The following TRANK1 variants were observed in gnomAD, a reference collection of about 807,000 sequenced individuals.
TRANK1 encodes the protein TPR and ankyrin repeat-containing protein 1.
In TRANK1, 198 loss-of-function variants were observed where a neutral mutation model predicts 266.0. The observed-to-expected ratio is 0.74, with a 90% CI of 0.66 to 0.84. The LOEUF (loss-of-function observed/expected upper bound fraction) is 0.84, where lower values mean the gene tolerates loss of function less well. Ranked by LOEUF, TRANK1 falls within the 40% of genes least tolerant of loss-of-function variation. The pLI, the probability that TRANK1 is intolerant of heterozygous loss-of-function variation, is 0.00. For synonymous variants in TRANK1, 1,396 were observed against 1,384.1 expected, an observed-to-expected ratio of 1.01 and a Z score of -0.19; for missense variants, 3,326 against 3,634.6, an observed-to-expected ratio of 0.92 and a Z score of 2.18.
At chr3:36,892,406 T>C (rs1248570479) in intron 6 of TRANK1, 66 bp from the exon 7 acceptor site, 1 of 1,514,198 alleles carries the variant, frequency 6.6e-7, no homozygotes, top group Non-Finnish European at 8.8e-7. Flanking sequence ...TTCAAACTCC[T>C]TTACCCATAA....
chr3:36,888,410 G>A (rs2079638219), intron 8 of TRANK1, among the ~76,000 whole-genome samples: 1 of 152,202 alleles, frequency 6.6e-6, no homozygotes, highest in Non-Finnish European at 1.5e-5. Context: ...GTATTGTGAT[G>A]TTACTTGCTC....
intron 1 of TRANK1, among the ~76,000 whole-genome samples, chr3:36,915,165 A>G (rs1458863549): frequency 6.6e-6 from 1 of 151,286 alleles, no homozygotes; most frequent in Non-Finnish European, 1.5e-5. Context: ...GTTAGCCAGG[A>G]TGGTCTAAAT....
rs529862503 is a variant in TRANK1, at chr3:36,835,748, C to T, written c.5518-841G>A. 1.1e-4 allele frequency among the ~76,000 whole-genome samples: 17 copies of T among 152,304 alleles called. No individual in the cohort carries two copies. In the South Asian group the frequency reaches 2.1e-3, roughly 19 times the overall value. ...GTTTCTTTGCTATCCAATCTCACCA[C>T]TAGTCACATCTGAATGTTGGGCCTT... On this transcript the variant is annotated intron_variant, in intron 20 of 23. Coordinates refer to ENST00000645898, the MANE Select transcript of TRANK1 (RefSeq NM_001329998.2).
chr3:36,831,836 G>T lies in TRANK1; in HGVS notation c.7747C>A (p.Pro2583Thr), dbSNP rs747401765. The change falls in exon 22 of 24, where the codon CCT becomes ACT. Residue 2583 changes from proline (P) to threonine (T), a missense_variant. Transcript: ENST00000645898. This position sits in a 1 kb window ranked among gnomAD's most constrained non-coding sequence, Gnocchi z 5.0. ...TCCCGGAAGTGGCGATACAGGAGAG[G>T]CTTGCAGTATGGCTGCAGGATCTCC... ...AEEILQPYCK[P>T]LLYRHFREIE... 6.2e-7 allele frequency: 1 copy of T among 1,613,870 alleles called. No individual in the cohort carries two copies. The highest frequency in any genetic ancestry group is 1.3e-5 in the African/African-American group (1 of 74,914).
At chr3:36,922,925 G>A (rs570182971) in intron 1 of TRANK1, among the ~76,000 whole-genome samples, 86 of 152,162 alleles carry the variant, frequency 5.7e-4, no homozygotes, top group African/African-American at 1.8e-3. Context: ...TGGCAGGGCC[G>A]AGGGAAAGCA....
intron 5 of TRANK1, among the ~76,000 whole-genome samples, chr3:36,895,239 C>A (rs2079771674): frequency 6.6e-6 from 1 of 152,172 alleles, no homozygotes; most frequent in African/African-American, 2.4e-5. Flanking sequence ...TTAGCCACTA[C>A]CCAAATGTTA....
chr3:36,895,774 A>G lies in TRANK1; in HGVS notation c.434-16T>C. ...ATGGAGTCACCTAAAAGAAAGTTTC[A>G]TAATTTAGGGATTTTAATGTGGGGA... On this transcript the variant is annotated splice_polypyrimidine_tract_variant and intron_variant, in intron 4 of 23. Coordinates refer to ENST00000645898, the MANE Select transcript of TRANK1 (RefSeq NM_001329998.2). The G allele has an allele frequency of 1.3e-6, 2 of 1,501,036 alleles. No individual in the cohort carries two copies. The highest frequency in any genetic ancestry group is 2.5e-5 in the East Asian group (1 of 40,488). The allele number at this position is 1,501,036 out of a possible 1,614,324, so 93.0% of individuals were successfully genotyped here. A position where few individuals can be genotyped will look rare whatever the true frequency, so the allele number is the denominator to read the frequency against.
rs1220631332 is a variant in TRANK1 at position 36,879,769 on chromosome 3, T to TAC, written c.908-5474_908-5473insGT. On this transcript the variant is annotated intron_variant, in intron 8 of 23. Coordinates refer to ENST00000645898, the MANE Select transcript of TRANK1 (RefSeq NM_001329998.2). ...ATATATAAATATATATAAATATATA[T>TAC]AAATATATATAAATATGTAAATATA... 1.2e-4 allele frequency among the ~76,000 whole-genome samples: 12 copies of TAC among 96,956 alleles called. 1 individual carries two copies. The highest frequency in any genetic ancestry group is 5.6e-4 in the African/African-American group (12 of 21,402). 63.6% of individuals were successfully genotyped at this position (96,956 alleles called of 152,430 possible). A position where few individuals can be genotyped will look rare whatever the true frequency, so the allele number is the denominator to read the frequency against.
At chr3:36,918,774 G>C (rs2080174838) in intron 1 of TRANK1, among the ~76,000 whole-genome samples, 1 of 152,104 alleles carries the variant, frequency 6.6e-6, no homozygotes, top group Admixed American at 6.6e-5. Flanking sequence ...CGCACACTAT[G>C]TTACATCATG....
At chr3:36,893,246 T>G (rs2079735208) in intron 5 of TRANK1, among the ~76,000 whole-genome samples, 1 of 151,516 alleles carries the variant, frequency 6.6e-6, no homozygotes, top group Non-Finnish European at 1.5e-5. Context: ...GCAGATGATG[T>G]CATGTAGCAT....
At chr3:36,848,738 A>G (rs1254504260) in intron 15 of TRANK1, among the ~76,000 whole-genome samples, 1 of 152,258 alleles carries the variant, frequency 6.6e-6, no homozygotes, top group African/African-American at 2.4e-5. Context: ...AACAATCTTC[A>G]GGACATATTT....
At position 36,889,887 on chromosome 3, in the gene TRANK1, C is replaced by T. The variant is rs192925477; in HGVS notation, c.849G>A (p.Gly283=). Residue 283 remains glycine (G), a synonymous_variant, in exon 8 of 24, where the codon GGG becomes GGA. Transcript: ENST00000645898. ...CGACGTGCAGGACAGTGCAGCCATCCCCATCCTTCTGGTTAATGCGGCCTT... is the reference window on the plus strand; with the variant it reads ...CGACGTGCAGGACAGTGCAGCCATCTCCATCCTTCTGGTTAATGCGGCCTT... ...EWKGRINQKD[G]DGCTVLHVVA... is the part of the protein sequence containing the mutation. 68 of 1,537,208 alleles carry T rather than the reference C, an allele frequency of 4.4e-5. No individual in the cohort carries two copies. In the East Asian group the frequency reaches 1.4e-3, roughly 32 times the overall value.
At position 36,850,811 on chromosome 3, in the gene TRANK1, C is replaced by T. The variant is rs370105914; in HGVS notation, c.4887+908G>A. The T allele has an allele frequency of 9.1e-6, 9 of 985,244 alleles. No homozygotes were observed. The East Asian group carries it at 3.4e-4, about 37-fold the overall frequency. 61.0% of individuals were successfully genotyped at this position (985,244 alleles called of 1,614,324 possible). On this transcript the variant is annotated intron_variant, in intron 15 of 23. Coordinates refer to ENST00000645898, the MANE Select transcript of TRANK1 (RefSeq NM_001329998.2). ...AAAGGAAGGACTCTATCTAAAGGGT[C>T]AGTTCTGGGGCAGATTTTTAAAGTG...
intron 1 of TRANK1, among the ~76,000 whole-genome samples, chr3:36,914,314 A>G (rs2080095417): frequency 6.6e-6 from 1 of 151,788 alleles, no homozygotes; most frequent in African/African-American, 2.4e-5. Flanking sequence ...TTGTATTTTT[A>G]GTAGAGACAG....
chr3:36,837,231 C>T (rs2078782295), intron 20 of TRANK1, among the ~76,000 whole-genome samples: 1 of 152,204 alleles, frequency 6.6e-6, no homozygotes. Context: ...ATTCCTGTGC[C>T]TTGCCTGCTT....
intron 1 of TRANK1, among the ~76,000 whole-genome samples, chr3:36,921,624 G>C (rs941971815): frequency 6.6e-6 from 1 of 152,044 alleles, no homozygotes; most frequent in Non-Finnish European, 1.5e-5. Flanking sequence ...CTGGCTCCCT[G>C]GTACCACGTA....
chr3:36,882,413 G>A (rs2125591575), intron 8 of TRANK1, among the ~76,000 whole-genome samples: 1 of 152,206 alleles, frequency 6.6e-6, no homozygotes, highest in East Asian at 1.9e-4. Context: ...CAATTACTGA[G>A]GTTAAGACAG....
rs373909887 is a variant in TRANK1, at chr3:36,833,756, A to G, written c.5827T>C (p.Leu1943=). ...TCTGCTAAGCGTTTCCGAGACTTCA[A>G]GAACACCAGCTGGTCTTCTATGTCT... ...KLDIEDQLVF[L]KSRKRLAEAA... The change falls in exon 22 of 24, where the codon TTG becomes CTG. Residue 1943 remains leucine, a synonymous_variant. Coordinates refer to ENST00000645898, the MANE Select transcript of TRANK1 (RefSeq NM_001329998.2). The G allele has an allele frequency of 1.2e-5, 19 of 1,613,902 alleles. No individual in the cohort carries two copies. Among genetic ancestry groups the G allele is most frequent in the African/African-American group, 4.0e-5 (3 of 74,916 alleles).
intron 2 of TRANK1, among the ~76,000 whole-genome samples, chr3:36,904,099 G>A (rs2079925241): frequency 6.6e-6 from 1 of 151,790 alleles, no homozygotes. Context: ...GGGATTACAG[G>A]TGCACACCAC....
Sources: allele counts gnomAD v4.1 joint callset (sites outside exome capture counted in the v4.1 genomes callset), GRCh38; gene constraint gnomAD v4.1.1; non-coding constraint Gnocchi (gnomAD v3.1); transcripts MANE v1.5; gene names NCBI Gene and HGNC (gene_info 2026-07-23, HGNC 2026-07-21).